GALNT14: variants seen among roughly 807,000 people sequenced by gnomAD.
GALNT14 encodes UDP-GalNAc:polypeptide N-acetylgalactosaminyltransferase 14.
GALNT14 carries 60 observed loss-of-function variants against 77.5 expected under a neutral mutation model. The observed-to-expected ratio is 0.77, with a 90% CI of 0.63 to 0.96. GALNT14 has a LOEUF of 0.96. Among genes scored for constraint, GALNT14 ranks in the 40% least tolerant of loss-of-function variants. GALNT14 has a pLI of 0.00. For synonymous variants in GALNT14, 280 were observed against 281.7 expected (o/e 0.99, Z 0.06); for missense variants, 710 against 731.0 (o/e 0.97, Z 0.33).
At chr2:31,068,483 G>A (rs913978878) in intron 1 of GALNT14, among the ~76,000 whole-genome samples, 18 of 145,858 alleles carry the variant, frequency 1.2e-4, no homozygotes, top group African/African-American at 2.6e-4. Flanking sequence ...TACTCCAGCT[G>A]GGTGACAAAG....
chr2:31,046,661 C>G (rs984000306), intron 1 of GALNT14, among the ~76,000 whole-genome samples: 7 of 152,110 alleles, frequency 4.6e-5, no homozygotes, highest in African/African-American at 1.4e-4. Context: ...ATGATAACTA[C>G]CTGGCTTTTG....
intron 1 of GALNT14, among the ~76,000 whole-genome samples, chr2:31,034,659 A>G (rs1410917953): frequency 6.6e-6 from 1 of 151,612 alleles, no homozygotes; most frequent in Admixed American, 6.6e-5. Context: ...TTCTTTTTCT[A>G]ATTTCTTAAG....
At chr2:31,094,072 C>T (rs1448386199) in intron 1 of GALNT14, among the ~76,000 whole-genome samples, 1 of 152,230 alleles carries the variant, frequency 6.6e-6, no homozygotes, top group East Asian at 1.9e-4. Flanking sequence ...CCTGAAGCAA[C>T]TGAAGATCCA....
At chr2:31,084,184 A>G (rs1314949206) in intron 1 of GALNT14, among the ~76,000 whole-genome samples, 1 of 152,158 alleles carries the variant, frequency 6.6e-6, no homozygotes, top group Non-Finnish European at 1.5e-5. Flanking sequence ...TATCCTCAAC[A>G]CAACCGATTA....
chr2:30,954,472 AGAG>A (rs1667235286), intron 6 of GALNT14, among the ~76,000 whole-genome samples: 1 of 152,080 alleles, frequency 6.6e-6, no homozygotes, highest in Non-Finnish European at 1.5e-5. Flanking sequence ...GCGATTCTAG[AGAG>A]GAGATTTTTC....
chr2:31,000,767 C>T (rs751639055), intron 1 of GALNT14, among the ~76,000 whole-genome samples: 3 of 152,152 alleles, frequency 2.0e-5, no homozygotes, highest in Non-Finnish European at 4.4e-5. Flanking sequence ...ATCCAAAAGA[C>T]ACCTTCACAG....
chr2:30,893,817 C>T, the GALNT14 span, among the ~76,000 whole-genome samples: 4 of 151,806 alleles, frequency 2.6e-5, no homozygotes, highest in Non-Finnish European at 5.9e-5. Context: ...AGAGACCAAG[C>T]TAGCTGGCAT....
At position 31,059,579 on chromosome 2, in the gene GALNT14, G is replaced by A. The variant is rs141075298; in HGVS notation, c.130-66572C>T. The stretch of plus-strand genomic sequence containing the variant: ...AAGAGAGCTGGGCATGGTGGCACAT[G>A]CCTTGAGTCCCAGCTACTTGAGAGG... On this transcript the variant is annotated intron_variant, in intron 1 of 14. Coordinates refer to ENST00000349752, the MANE Select transcript of GALNT14 (RefSeq NM_024572.4). 2.7e-3 allele frequency among the ~76,000 whole-genome samples: 405 copies of A among 152,258 alleles called. 2 individuals carry two copies. Among genetic ancestry groups the A allele is most frequent in the African/African-American group, 8.2e-3 (340 of 41,554 alleles).
intron 12 of GALNT14, 95 bp downstream of exon 12, chr2:30,924,645 C>T: frequency 1.0e-6 from 1 of 997,080 alleles, no homozygotes; most frequent in Non-Finnish European, 1.6e-6. Context: ...TAAAAGCCCT[C>T]ATCCAGTTGG....
At chr2:31,053,352 C>CT (rs1674010210) in intron 1 of GALNT14, among the ~76,000 whole-genome samples, 1 of 152,160 alleles carries the variant, frequency 6.6e-6, no homozygotes, top group Non-Finnish European at 1.5e-5. Context: ...GAACCCTGCA[C>CT]TTACAGGTGC....
At chr2:30,990,562 C>T (rs925375572) in intron 2 of GALNT14, among the ~76,000 whole-genome samples, 1 of 152,210 alleles carries the variant, frequency 6.6e-6, no homozygotes, top group Non-Finnish European at 1.5e-5. Context: ...GCTCTCATCA[C>T]CACAAGGGTG....
intron 1 of GALNT14, among the ~76,000 whole-genome samples, chr2:31,118,166 T>G (rs1279090872): frequency 6.6e-6 from 1 of 152,146 alleles, no homozygotes; most frequent in Non-Finnish European, 1.5e-5. Context: ...ATTGAAGAAG[T>G]CAATAGAACT....
chr2:30,976,424 G>A (rs1244677444), intron 2 of GALNT14, among the ~76,000 whole-genome samples: 1 of 152,144 alleles, frequency 6.6e-6, no homozygotes, highest in Non-Finnish European at 1.5e-5. Context: ...ACATTGCCTA[G>A]CCCCTTCCAA....
intron 1 of GALNT14, among the ~76,000 whole-genome samples, chr2:31,110,980 C>T (rs1464127955): frequency 6.6e-6 from 1 of 152,194 alleles, no homozygotes; most frequent in African/African-American, 2.4e-5. Context: ...GGTCTTCCCT[C>T]AATCAGGTAC....
intron 1 of GALNT14, among the ~76,000 whole-genome samples, chr2:31,119,737 T>C (rs994268485): frequency 1.3e-5 from 2 of 152,236 alleles, no homozygotes; most frequent in African/African-American, 2.4e-5. Flanking sequence ...AGAATATGTG[T>C]ACATAGATTA....
intron 1 of GALNT14, chr2:31,129,291 G>T: frequency 2.7e-6 from 2 of 734,890 alleles, no homozygotes; most frequent in Non-Finnish European, 3.3e-6. Flanking sequence ...CAAAGTCGCA[G>T]TAAGGATCAA....
chr2:30,961,684 CTTT>C (rs60844777), intron 3 of GALNT14, among the ~76,000 whole-genome samples: 2 of 142,402 alleles, frequency 1.4e-5, no homozygotes, highest in African/African-American at 2.6e-5. Context: ...GTTAGACTTT[CTTT>C]TTTTTTTTTT....
rs1230333870 is a variant in GALNT14, at chr2:30,944,937, CA to C, written c.747del (p.Phe249LeufsTer32). 1.9e-6 allele frequency: 3 copies of C among 1,608,750 alleles called. No homozygotes were observed. The highest frequency in any genetic ancestry group is 2.5e-6 in the Non-Finnish European group (3 of 1,176,730). The stretch of plus-strand genomic sequence containing the variant: ...TCCCACTGGAAGTGGAGGCTCCAGT[CA>C]AACCCTACAACACAGCACCAACCCA... ...IESASELRGG[F>X]DWSLHFQWEQ... is the part of the protein sequence containing the mutation. On this transcript the variant is annotated frameshift_variant, in exon 8 of 15. Transcript: ENST00000349752. LOFTEE classifies it high-confidence loss of function.
chr2:30,977,922 C>G (rs965233375), intron 2 of GALNT14, among the ~76,000 whole-genome samples: 3 of 152,184 alleles, frequency 2.0e-5, no homozygotes, highest in Admixed American at 1.3e-4. Flanking sequence ...AACTATTCTT[C>G]CCGCCTGCAG....
Sources: allele counts gnomAD v4.1 joint callset (sites outside exome capture counted in the v4.1 genomes callset), GRCh38; gene constraint gnomAD v4.1.1; transcripts MANE v1.5; gene names NCBI Gene and HGNC (gene_info 2026-07-23, HGNC 2026-07-21).